CDON: variants seen among roughly 807,000 people sequenced by gnomAD.
The protein encoded by CDON is cell adhesion associated, oncogene regulated, also known as cell adhesion molecule-related/down-regulated by oncogenes.
Under a neutral mutation model 120.9 loss-of-function variants are expected in CDON, and 73 were observed. The observed-to-expected ratio is 0.60, with a 90% CI of 0.50 to 0.73. The LOEUF is 0.73. Ranked by LOEUF, CDON falls within the 30% of genes least tolerant of loss-of-function variation. CDON has a pLI of 0.00. For missense variants in CDON, 1,470 were observed against 1,587.3 expected (o/e 0.93, Z 1.26); for synonymous variants, 566 against 573.5 (o/e 0.99, Z 0.19).
At chr11:125,965,758 C>T (rs1204850816) in intron 18 of CDON, among the ~76,000 whole-genome samples, 1 of 152,182 alleles carries the variant, frequency 6.6e-6, no homozygotes, top group Non-Finnish European at 1.5e-5. Flanking sequence ...TGTCCAACTG[C>T]CTGCCAAAGG....
In CDON at chr11:126,005,564, G is replaced by T. The variant is rs139362309; in HGVS notation, c.1851+195C>A. On this transcript the variant is annotated intron_variant, in intron 9 of 19. Coordinates refer to ENST00000531738, the MANE Select transcript of CDON (RefSeq NM_001378964.1). ...GGTTCCTAGAATTCCAATTTGGGGG[G>T]AAATTATACTTCATTCTCAGTGCTT... 1,862 of 613,098 alleles carry T rather than the reference G, an allele frequency of 3.0e-3. 3 individuals carry two copies. The highest frequency in any genetic ancestry group is 4.5e-3 in the Non-Finnish European group (1,576 of 347,106). 38.0% of individuals were successfully genotyped at this position (613,098 alleles called of 1,614,324 possible).
Position 125,994,333 on chromosome 11 carries a change from T to C in CDON, c.2601A>G (p.Arg867=). ...TPIQGFYIYY[R]PTDSDNDSDY... ...CACTGTCATTGTCACTATCTGTTGGTCGGTAATAGATATAAAATCCTTGAA... is the reference window on the plus strand; with the variant it reads ...CACTGTCATTGTCACTATCTGTTGGCCGGTAATAGATATAAAATCCTTGAA... Residue 867 remains arginine (R), a synonymous_variant, in exon 14 of 20, where the codon CGA becomes CGG. Coordinates refer to ENST00000531738, the MANE Select transcript of CDON (RefSeq NM_001378964.1). 1 of 1,604,828 alleles carries C rather than the reference T, an allele frequency of 6.2e-7. No homozygotes were observed. Among genetic ancestry groups the C allele is most frequent in the Non-Finnish European group, 8.5e-7 (1 of 1,171,644 alleles).
In CDON at chr11:125,981,083, T is replaced by C. The variant is rs532583611; in HGVS notation, c.3242A>G (p.His1081Arg). Reference sequence around the variant, plus strand: ...ATGATGAGGATGTTCAAAATCCACGTGTGTCCTGGTTAGAGAGTTGCTGTG... The same window carrying C: ...ATGATGAGGATGTTCAAAATCCACGCGTGTCCTGGTTAGAGAGTTGCTGTG... The part of the protein sequence containing the change: ...SGHSNSLTRT[H>R]VDFEHPHHLV... The change falls in exon 17 of 20, where the codon CAC becomes CGC. Residue 1081 changes from histidine to arginine, a missense_variant. Coordinates refer to ENST00000531738, the MANE Select transcript of CDON (RefSeq NM_001378964.1). The C allele has an allele frequency of 8.1e-6, 13 of 1,614,184 alleles. No individual in the cohort carries two copies. The African/African-American group carries it at 1.5e-4, about 18-fold the overall frequency.
At chr11:126,002,372 T>G (rs534819081) in intron 10 of CDON, among the ~76,000 whole-genome samples, 1 of 152,334 alleles carries the variant, frequency 6.6e-6, no homozygotes, top group Admixed American at 6.5e-5. Context: ...GAACTCAAGA[T>G]ACATTTAAGA....
At chr11:125,967,589 T>C (rs1945842110) in intron 18 of CDON, among the ~76,000 whole-genome samples, 1 of 152,204 alleles carries the variant, frequency 6.6e-6, no homozygotes, top group Non-Finnish European at 1.5e-5. Flanking sequence ...ATACACTAAG[T>C]GATCTTCTGC....
intron 1 of CDON, among the ~76,000 whole-genome samples, chr11:126,037,705 A>G (rs530434838): frequency 1.3e-5 from 2 of 152,260 alleles, no homozygotes; most frequent in South Asian, 4.1e-4. Flanking sequence ...TAATTTTCTA[A>G]AACAATATAT....
At position 126,015,254 on chromosome 11, in the gene CDON, A is replaced by C. The variant is rs1045511030; in HGVS notation, c.1185T>G (p.Leu395=). 1 of 1,613,866 alleles carries C rather than the reference A, an allele frequency of 6.2e-7. No individual in the cohort carries two copies. Among genetic ancestry groups the C allele is most frequent in the East Asian group, 2.2e-5 (1 of 44,876 alleles). The change falls in exon 7 of 20, where the codon CTT becomes CTG. Residue 395 remains leucine (L), a synonymous_variant. Transcript: ENST00000531738. Reference sequence around the variant, plus strand: ...CTAAAAGCCTACCATTTTCAATTTCAAGTCTTCCAGTAGAGTGCATAAATC... The same window carrying C: ...CTAAAAGCCTACCATTTTCAATTTCCAGTCTTCCAGTAGAGTGCATAAATC... The part of the protein sequence containing the change: ...GIGFMHSTGR[L]EIENDGGFKP...
At chr11:126,018,551 G>T in intron 4 of CDON, 78 bp from the exon 5 acceptor site, 3 of 1,210,250 alleles carry the variant, frequency 2.5e-6, no homozygotes, top group Non-Finnish European at 2.5e-6. Flanking sequence ...CACAAAGGCT[G>T]ATCATTATGC....
At chr11:125,966,191 C>T (rs1286725343) in intron 18 of CDON, among the ~76,000 whole-genome samples, 2 of 147,652 alleles carry the variant, frequency 1.4e-5, no homozygotes, top group African/African-American at 2.5e-5. Flanking sequence ...GAGACAAGAA[C>T]AAGAGAAAAA....
intron 1 of CDON, among the ~76,000 whole-genome samples, chr11:126,036,940 A>G (rs150354316): frequency 6.6e-6 from 1 of 152,312 alleles, no homozygotes; most frequent in East Asian, 1.9e-4. Flanking sequence ...TGCCTGCCTC[A>G]GCCGCCCAAA....
At position 126,023,434 on chromosome 11, in the gene CDON, T is replaced by G; in HGVS notation, c.43A>C (p.Thr15Pro). 1 of 1,613,172 alleles carries G rather than the reference T, an allele frequency of 6.2e-7. No homozygotes were observed. Reference sequence around the variant, plus strand: ...ACAGAAGAGCACAGAATTGTAAGAGTAACATACAGCAGTGTACATAAGGGT... The same window carrying G: ...ACAGAAGAGCACAGAATTGTAAGAGGAACATACAGCAGTGTACATAAGGGT... The part of the protein sequence containing the change: ...LGPLCTLLYV[T>P]LTILCSSVSS... Residue 15 changes from threonine to proline, a missense_variant, in exon 2 of 20, where the codon ACT (threonine) becomes CCT (proline). Thr to Pro is a conservative substitution (Grantham distance 38). Coordinates refer to ENST00000531738, the MANE Select transcript of CDON (RefSeq NM_001378964.1).
rs374762451 is a variant in CDON at position 126,017,153 on chromosome 11, T to C, written c.863A>G (p.Tyr288Cys). 2 of 1,614,040 alleles carry C rather than the reference T, an allele frequency of 1.2e-6. No individual in the cohort carries two copies. Among genetic ancestry groups the C allele is most frequent in the Non-Finnish European group, 1.7e-6 (2 of 1,180,000 alleles). Residue 288 changes from tyrosine (Y) to cysteine (C), a missense_variant, in exon 6 of 20, where the codon TAT (tyrosine) becomes TGT (cysteine). Coordinates refer to ENST00000531738, the MANE Select transcript of CDON (RefSeq NM_001378964.1). ...DSVDPADSGN[Y>C]SCMAGNKSGD... ...AGACTTGTTTCCCGCCATGCAGGAA[T>C]AGTTTCCGGAGTCCGCCGGGTCAAC... is the stretch of plus-strand genomic sequence containing the variant.
chr11:126,050,788 C>T (rs1158850599), intron 1 of CDON, among the ~76,000 whole-genome samples: 1 of 152,024 alleles, frequency 6.6e-6, no homozygotes, highest in Non-Finnish European at 1.5e-5. Flanking sequence ...TTTCCCAATC[C>T]CCTGGAGCCT....
intron 5 of CDON, 24 bp from the exon 6 acceptor site, chr11:126,017,399 G>C (rs1322098021): frequency 6.2e-7 from 1 of 1,609,832 alleles, no homozygotes; most frequent in Non-Finnish European, 8.5e-7. Flanking sequence ...GGAGATGAGA[G>C]ATTATTAGTA....
At chr11:125,977,572 T>C (rs1363719927) in intron 18 of CDON, among the ~76,000 whole-genome samples, 2 of 152,214 alleles carry the variant, frequency 1.3e-5, no homozygotes, top group African/African-American at 2.4e-5. Flanking sequence ...TTTGACACCA[T>C]GTAATTCAAT....
chr11:125,961,210 G>A (rs894874449), intron 19 of CDON, 105 bp from the exon 20 acceptor site: 7 of 1,028,578 alleles, frequency 6.8e-6, no homozygotes, highest in African/African-American at 1.6e-5. Flanking sequence ...AAAGAAAAAC[G>A]AGCATAAATA....
At chr11:126,027,272 A>C (rs1254634868) in intron 1 of CDON, among the ~76,000 whole-genome samples, 1 of 152,210 alleles carries the variant, frequency 6.6e-6, no homozygotes, top group Non-Finnish European at 1.5e-5. Context: ...CATTAGAGTC[A>C]ACAGCCAGTA....
chr11:126,017,423 A>G, intron 5 of CDON, 48 bp from the exon 6 acceptor site: 1 of 1,574,730 alleles, frequency 6.4e-7, no homozygotes, highest in South Asian at 1.1e-5. Flanking sequence ...CTTCGATTCT[A>G]ATCTCTTGCT....
At position 125,961,712 on chromosome 11, in the gene CDON, T is replaced by C. The variant is rs1235677319; in HGVS notation, c.3631+12A>G. 5.0e-6 allele frequency: 8 copies of C among 1,614,076 alleles called. No homozygotes were observed. The highest frequency in any genetic ancestry group is 1.7e-5 in the Admixed American group (1 of 60,008). On this transcript the variant is annotated intron_variant, in intron 19 of 19. Coordinates refer to ENST00000531738, the MANE Select transcript of CDON (RefSeq NM_001378964.1). The stretch of plus-strand genomic sequence containing the variant: ...TGATCTGGAATCCTAAGGTTGATCA[T>C]GCCTTCCTGACCTCTGCTGAACTCT...
Sources: allele counts gnomAD v4.1 joint callset (sites outside exome capture counted in the v4.1 genomes callset), GRCh38; gene constraint gnomAD v4.1.1; transcripts MANE v1.5; gene names NCBI Gene and HGNC (gene_info 2026-07-23, HGNC 2026-07-21).